Variants in THSD7B observed in about 807,000 individuals in gnomAD.
THSD7B encodes the protein thrombospondin type-1 domain-containing protein 7B.
THSD7B carries 138 observed loss-of-function variants against 213.6 expected under a neutral mutation model. The ratio of observed to expected loss-of-function variants is 0.65; its 90% CI spans 0.56 to 0.74. The LOEUF is 0.74. THSD7B is among the 30% of genes least tolerant of loss of function. THSD7B has a pLI of 0.00. For missense variants in THSD7B, 1,931 were observed against 1,991.5 expected (o/e 0.97, Z 0.58); for synonymous variants, 742 against 687.0 (o/e 1.08, Z -1.25).
chr2:137,065,972 T>C, intron 3 of THSD7B, among the ~76,000 whole-genome samples: 1 of 136,336 alleles, frequency 7.3e-6, no homozygotes, highest in Admixed American at 7.1e-5. Context: ...ATAAATGACA[T>C]TTTATTTTTC....
intron 3 of THSD7B, among the ~76,000 whole-genome samples, chr2:137,075,553 A>T (rs539824088): frequency 6.6e-6 from 1 of 152,150 alleles, no homozygotes; most frequent in South Asian, 2.1e-4. Flanking sequence ...AGCTCGGAGT[A>T]GTTTGATCAT....
At chr2:136,854,431 T>G (rs965037166) in intron 1 of THSD7B, among the ~76,000 whole-genome samples, 1 of 151,946 alleles carries the variant, frequency 6.6e-6, no homozygotes, top group Non-Finnish European at 1.5e-5. Flanking sequence ...GCTTCATAAG[T>G]GGGCACATTT....
chr2:137,227,382 C>A (rs139565197), intron 7 of THSD7B, among the ~76,000 whole-genome samples: 15 of 152,066 alleles, frequency 9.9e-5, no homozygotes, highest in Admixed American at 8.5e-4. Flanking sequence ...TTTTACAGAG[C>A]CTTTTTGAAA....
At chr2:137,295,664 C>T (rs758575976) in intron 12 of THSD7B, among the ~76,000 whole-genome samples, 6 of 151,834 alleles carry the variant, frequency 4.0e-5, no homozygotes, top group South Asian at 2.1e-4. Context: ...TTAGTAGAAA[C>T]GGGGTTTCAC....
intron 5 of THSD7B, among the ~76,000 whole-genome samples, chr2:137,138,475 T>TTGG (rs1210916518): frequency 6.6e-6 from 1 of 152,146 alleles, no homozygotes; most frequent in Non-Finnish European, 1.5e-5. Context: ...TTGCATTTCT[T>TTGG]TGGTGACTAA....
chr2:137,651,698 T>G (rs909995175), intron 21 of THSD7B, among the ~76,000 whole-genome samples: 1 of 152,098 alleles, frequency 6.6e-6, no homozygotes, highest in Non-Finnish European at 1.5e-5. Context: ...TTTATTGCTG[T>G]AAACTTCCCT....
chr2:137,328,517 T>C (rs1443932583), intron 12 of THSD7B, among the ~76,000 whole-genome samples: 1 of 152,224 alleles, frequency 6.6e-6, no homozygotes, highest in Non-Finnish European at 1.5e-5. Context: ...CAAGGAAACA[T>C]AGCAGAATGT....
At chr2:137,428,515 C>T (rs1425678387) in intron 14 of THSD7B, among the ~76,000 whole-genome samples, 1 of 152,124 alleles carries the variant, frequency 6.6e-6, no homozygotes, top group Non-Finnish European at 1.5e-5. Flanking sequence ...TTACTCTTTA[C>T]AGCTAGAGAG....
chr2:137,426,506 T>C (rs1051197082), intron 14 of THSD7B, among the ~76,000 whole-genome samples: 1 of 152,046 alleles, frequency 6.6e-6, no homozygotes. Flanking sequence ...GAACAGAATA[T>C]AAAGCTCAGA....
rs1024523122 is a variant in THSD7B, at chr2:136,810,520, T to C, written c.-36+44833T>C. 2.6e-5 allele frequency among the ~76,000 whole-genome samples: 4 copies of C among 152,218 alleles called. No homozygotes were observed. The South Asian group carries it at 6.2e-4, about 24-fold the overall frequency. On this transcript the variant is annotated intron_variant, in intron 1 of 27. Coordinates refer to ENST00000409968, the MANE Select transcript of THSD7B (RefSeq NM_001316349.2). ...GTCCAAAAAGTGAAACTATAAAAGA[T>C]ACATCATACATTCTGCAGTGCTGAA... is the stretch of plus-strand genomic sequence containing the variant.
At chr2:137,286,814 G>C (rs150891074) in intron 12 of THSD7B, among the ~76,000 whole-genome samples, 206 of 152,288 alleles carry the variant, frequency 1.4e-3, no homozygotes, top group African/African-American at 4.5e-3. Flanking sequence ...GGCATTTCCA[G>C]TAGGGGATGC....
intron 12 of THSD7B, among the ~76,000 whole-genome samples, chr2:137,404,462 TATATATATATATACACACACACACAC>T: frequency 1.2e-5 from 1 of 81,922 alleles, no homozygotes; most frequent in East Asian, 4.2e-4. Context: ...TATATATATA[TATATATATATATACACACACACACAC>T]ACACACACAC....
At chr2:137,501,542 A>C (rs560300026) in intron 15 of THSD7B, among the ~76,000 whole-genome samples, 74 of 152,116 alleles carry the variant, frequency 4.9e-4, no homozygotes, top group Non-Finnish European at 7.5e-4. Context: ...TCATTCTTCC[A>C]TTTATTTTGC....
chr2:137,315,719 T>C (rs1415524946), intron 12 of THSD7B, among the ~76,000 whole-genome samples: 1 of 152,170 alleles, frequency 6.6e-6, no homozygotes, highest in Non-Finnish European at 1.5e-5. Context: ...TGGAATATAT[T>C]TAGGAGGGGA....
chr2:136,774,287 A>G (rs1020489302), intron 1 of THSD7B, among the ~76,000 whole-genome samples: 16 of 152,082 alleles, frequency 1.1e-4, no homozygotes, highest in Non-Finnish European at 2.2e-4. Flanking sequence ...CTTTATTATA[A>G]TGACTGTAAT....
intron 2 of THSD7B, among the ~76,000 whole-genome samples, chr2:137,031,945 A>G (rs570059070): frequency 3.2e-4 from 48 of 151,890 alleles, no homozygotes; most frequent in African/African-American, 1.1e-3. Flanking sequence ...GGGTTTAAAC[A>G]ATCCTCCCAC....
At chr2:136,886,641 A>C (rs1380466714) in intron 2 of THSD7B, among the ~76,000 whole-genome samples, 1 of 152,204 alleles carries the variant, frequency 6.6e-6, no homozygotes, top group Non-Finnish European at 1.5e-5. Flanking sequence ...AAGAATTATC[A>C]GGCCCAAAGA....
chr2:137,258,955 G>A (rs940440959), intron 10 of THSD7B, among the ~76,000 whole-genome samples: 9 of 151,928 alleles, frequency 5.9e-5, no homozygotes, highest in Non-Finnish European at 1.2e-4. Flanking sequence ...CTGTTCCTGC[G>A]TTAGTTTGCT....
At chr2:137,158,756 A>G (rs553493757) in intron 5 of THSD7B, among the ~76,000 whole-genome samples, 14 of 152,228 alleles carry the variant, frequency 9.2e-5, no homozygotes, top group African/African-American at 3.4e-4. Flanking sequence ...TTTGACTCTT[A>G]CACGTGTTAA....
Sources: allele counts gnomAD v4.1 joint callset (sites outside exome capture counted in the v4.1 genomes callset), GRCh38; gene constraint gnomAD v4.1.1; transcripts MANE v1.5; gene names NCBI Gene and HGNC (gene_info 2026-07-23, HGNC 2026-07-21).